The following NRG1 variants were observed in gnomAD, a reference collection of about 807,000 sequenced individuals.
The protein encoded by NRG1 is neuregulin 1.
In NRG1, 18 loss-of-function variants were observed where a neutral mutation model predicts 63.8. That is an observed-to-expected ratio of 0.28 (90% CI 0.19 to 0.42). The LOEUF (loss-of-function observed/expected upper bound fraction) is 0.42, where lower values mean the gene tolerates loss of function less well. NRG1 is among the 10% of genes least tolerant of loss of function. The pLI, the probability that NRG1 is intolerant of heterozygous loss-of-function variation, is 1.00. For missense variants in NRG1, 762 were observed against 814.7 expected (o/e 0.94, Z 0.79); for synonymous variants, 302 against 301.3 (o/e 1.00, Z -0.02).
At chr8:32,462,886 G>A (rs538310089) in intron 1 of NRG1, among the ~76,000 whole-genome samples, 11 of 152,056 alleles carry the variant, frequency 7.2e-5, no homozygotes, top group Non-Finnish European at 1.2e-4. Flanking sequence ...TTACAGGAGT[G>A]AGCCACCATG....
chr8:31,857,501 C>T (rs1023207266), intron 1 of NRG1, among the ~76,000 whole-genome samples: 24 of 152,312 alleles, frequency 1.6e-4, no homozygotes, highest in South Asian at 8.3e-4. Context: ...CACTGACCTG[C>T]GCCCACTGTC....
chr8:31,788,107 T>C (rs560440520), intron 1 of NRG1, among the ~76,000 whole-genome samples: 19 of 152,252 alleles, frequency 1.2e-4, no homozygotes, highest in Admixed American at 2.6e-4. Flanking sequence ...ACTTCTATTT[T>C]ATCTTGTATC....
chr8:32,260,626 C>T (rs1850258270), intron 1 of NRG1, among the ~76,000 whole-genome samples: 1 of 152,350 alleles, frequency 6.6e-6, no homozygotes, highest in Middle Eastern at 3.4e-3. Context: ...CAACAACTCT[C>T]AGACTTTGAT....
At chr8:31,887,691 T>G (rs1410087831) in intron 1 of NRG1, among the ~76,000 whole-genome samples, 1 of 152,138 alleles carries the variant, frequency 6.6e-6, no homozygotes, top group Non-Finnish European at 1.5e-5. Flanking sequence ...AGGGTCATTT[T>G]ATCTGAGGAA....
At chr8:32,399,726 A>T (rs1029816708) in intron 1 of NRG1, among the ~76,000 whole-genome samples, 4 of 152,190 alleles carry the variant, frequency 2.6e-5, no homozygotes, top group Non-Finnish European at 5.9e-5. Context: ...TTGGGTGAAA[A>T]GTAGAAAAAA....
At chr8:32,717,832 A>T (rs1819631428) in intron 5 of NRG1, among the ~76,000 whole-genome samples, 1 of 152,182 alleles carries the variant, frequency 6.6e-6, no homozygotes, top group South Asian at 2.1e-4. Flanking sequence ...CCTGGCTCAA[A>T]CCCGAAACAC....
At chr8:32,298,721 AAAAAAAAAAG>A (rs1855200445) in intron 1 of NRG1, among the ~76,000 whole-genome samples, 2 of 138,944 alleles carry the variant, frequency 1.4e-5, no homozygotes, top group Non-Finnish European at 1.5e-5. Flanking sequence ...TCTCAAAAAA[AAAAAAAAAAG>A]AAAAGAAAAG....
chr8:32,088,876 A>C (rs1828682408), intron 1 of NRG1, among the ~76,000 whole-genome samples: 1 of 152,150 alleles, frequency 6.6e-6, no homozygotes, highest in Non-Finnish European at 1.5e-5. Context: ...TCCAAAAAAA[A>C]ATGATTTCTT....
intron 1 of NRG1, among the ~76,000 whole-genome samples, chr8:31,730,004 C>T (rs1813859499): frequency 3.3e-5 from 5 of 152,062 alleles, no homozygotes; most frequent in Admixed American, 3.3e-4. Flanking sequence ...TAATCAAGAA[C>T]TCATGAAGCT....
At chr8:32,465,179 C>A (rs1353640306) in intron 1 of NRG1, among the ~76,000 whole-genome samples, 2 of 152,040 alleles carry the variant, frequency 1.3e-5, no homozygotes, top group East Asian at 1.9e-4. Flanking sequence ...ACAACAAAAA[C>A]CAACAACAAG....
chr8:32,332,658 G>A (rs1277969079), intron 1 of NRG1, among the ~76,000 whole-genome samples: 1 of 152,118 alleles, frequency 6.6e-6, no homozygotes, highest in Non-Finnish European at 1.5e-5. Context: ...TATAGAAAAG[G>A]AAACTGAAGC....
At chr8:31,809,733 TA>T (rs1822668919) in intron 1 of NRG1, among the ~76,000 whole-genome samples, 2 of 145,572 alleles carry the variant, frequency 1.4e-5, no homozygotes, top group Non-Finnish European at 3.0e-5. Flanking sequence ...CTACTCCTTC[TA>T]TTAATTGTTT....
chr8:32,420,858 T>C (rs1816625813), intron 1 of NRG1, among the ~76,000 whole-genome samples: 1 of 152,134 alleles, frequency 6.6e-6, no homozygotes, highest in Non-Finnish European at 1.5e-5. Context: ...GTTGAGGTAA[T>C]TGAATCATGG....
chr8:31,672,296 C>A (rs536541492), intron 1 of NRG1, among the ~76,000 whole-genome samples: 35 of 152,214 alleles, frequency 2.3e-4, no homozygotes, highest in Non-Finnish European at 5.0e-4. Context: ...AGTAGACAAA[C>A]CATTAGATCA....
At chr8:32,606,023 A>G (rs904058809) in intron 3 of NRG1, among the ~76,000 whole-genome samples, 2 of 151,606 alleles carry the variant, frequency 1.3e-5, no homozygotes, top group Non-Finnish European at 2.9e-5. Flanking sequence ...ACAACAGAAT[A>G]CAGTCATATA....
intron 1 of NRG1, among the ~76,000 whole-genome samples, chr8:31,891,619 C>T (rs746223811): frequency 6.6e-5 from 10 of 152,138 alleles, no homozygotes; most frequent in Non-Finnish European, 1.3e-4. Flanking sequence ...TATGACCCAG[C>T]AATTGCATTC....
chr8:32,287,121 A>G (rs1309133475), intron 1 of NRG1: 1 of 152,240 alleles, frequency 6.6e-6, no homozygotes, highest in Non-Finnish European at 1.5e-5. Flanking sequence ...ATAACAACGC[A>G]AATGAACTAA....
At chr8:31,724,620 T>A (rs1813245856) in intron 1 of NRG1, among the ~76,000 whole-genome samples, 1 of 152,090 alleles carries the variant, frequency 6.6e-6, no homozygotes, top group Non-Finnish European at 1.5e-5. Flanking sequence ...TTTTTTTTTA[T>A]AAACCAAATA....
At chr8:32,003,244 TA>T (rs1228250663) in intron 1 of NRG1, among the ~76,000 whole-genome samples, 1 of 152,044 alleles carries the variant, frequency 6.6e-6, no homozygotes, top group Non-Finnish European at 1.5e-5. Context: ...TTAAAATGAC[TA>T]AAAAGAAGAT....
Sources: gnomAD v4.1 joint callset for allele counts (sites outside exome capture counted in the v4.1 genomes callset) on GRCh38, gnomAD v4.1.1 for gene constraint, MANE v1.5 for transcripts, NCBI Gene and HGNC (gene_info 2026-07-23, HGNC 2026-07-21) for gene names.